ZC3H18: variants seen among roughly 807,000 people sequenced by gnomAD.
ZC3H18 encodes zinc finger CCCH domain-containing protein 18.
In ZC3H18, 8 loss-of-function variants were observed where a neutral mutation model predicts 106.1. The observed-to-expected ratio is 0.08, with a 90% CI of 0.04 to 0.14. The LOEUF (loss-of-function observed/expected upper bound fraction) is 0.14, where lower values mean the gene tolerates loss of function less well. Ranked by LOEUF, ZC3H18 falls within the 10% of genes least tolerant of loss-of-function variation. ZC3H18 has a pLI of 1.00. For synonymous variants in ZC3H18, 635 were observed against 522.1 expected (o/e 1.22, Z -2.95); for missense variants, 1,318 against 1,278.4 (o/e 1.03, Z -0.47).
intron 3 of ZC3H18, among the ~76,000 whole-genome samples, chr16:88,597,789 C>A (rs550371592): frequency 6.6e-6 from 1 of 152,304 alleles, no homozygotes; most frequent in Admixed American, 6.5e-5. Flanking sequence ...ATGTCTGTTT[C>A]GGCACAAATA....
intron 13 of ZC3H18, chr16:88,625,838 A>ATT (rs1175357328): frequency 0.16 from 16,334 of 104,302 alleles, 1,501 homozygotes; most frequent in South Asian, 0.24. Context: ...ACAGAAAAAG[A>ATT]TTTTTTTTTT....
intron 10 of ZC3H18, 89 bp from the exon 11 acceptor site, chr16:88,623,869 C>T (rs1906124190): frequency 1.3e-6 from 2 of 1,496,768 alleles, no homozygotes; most frequent in Admixed American, 2.4e-5. Context: ...TCGTGGCCTT[C>T]TCCATGGGTC....
At position 88,630,756 on chromosome 16, in the gene ZC3H18, AC is replaced by A. The variant is rs1281479340; in HGVS notation, c.2663+184del. ...ACAGCGAATTGCAGCCCCACCCCCC[AC>A]CCCCCCCCACACACACACACACGCT... On this transcript the variant is annotated intron_variant, in intron 17 of 17. Coordinates refer to ENST00000301011, the MANE Select transcript of ZC3H18 (RefSeq NM_144604.4). Among the ~76,000 whole-genome samples, 53 of 50,246 alleles carry A rather than the reference AC, an allele frequency of 1.1e-3. 4 individuals carry two copies. The highest frequency in any genetic ancestry group is 0.014 in the Middle Eastern group (1 of 74). The allele number at this position is 50,246 out of a possible 152,430, so 33.0% of individuals were successfully genotyped here.
intron 1 of ZC3H18, 111 bp from the exon 2 acceptor site, chr16:88,576,999 C>G: frequency 8.9e-7 from 1 of 1,123,362 alleles, no homozygotes; most frequent in South Asian, 1.7e-5. Flanking sequence ...GGGGCAGGGC[C>G]GTGTGGGACC....
At position 88,599,812 on chromosome 16, in the gene ZC3H18, C is replaced by T. The variant is rs1904649902; in HGVS notation, c.952C>T (p.Arg318Ter). 1.2e-6 allele frequency: 2 copies of T among 1,608,926 alleles called. No homozygotes were observed. Among genetic ancestry groups the T allele is most frequent in the South Asian group, 1.1e-5 (1 of 90,142 alleles). The stretch of plus-strand genomic sequence containing the variant: ...GTAGGTTTTAAAAAAAGCAACTATT[C>T]GAAAAGAACAGGAGCCTGATTTTGA... ...AKEVLKKATI[R>*]KEQEPDFEEK... is the part of the protein sequence containing the mutation. Residue 318 changes from arginine (R) to a stop codon, truncating the protein, a stop_gained, in exon 6 of 18, where the codon CGA (arginine) becomes TGA (stop). Transcript: ENST00000301011. LOFTEE classifies it high-confidence loss of function.
chr16:88,630,460 G>T (rs1906591312), intron 16 of ZC3H18, 25 bp from the exon 17 acceptor site: 2 of 1,599,002 alleles, frequency 1.3e-6, no homozygotes, highest in African/African-American at 2.7e-5. Context: ...CAGGAGGGTG[G>T]TCTCACTCTG....
chr16:88,626,695 T>A (rs910530537), intron 13 of ZC3H18: 12 of 132,236 alleles, frequency 9.1e-5, no homozygotes, highest in African/African-American at 3.3e-4. Flanking sequence ...AAGACCTGAC[T>A]TTTGAAAAAA....
chr16:88,578,526 G>A (rs1011576659), intron 2 of ZC3H18, among the ~76,000 whole-genome samples: 6 of 148,044 alleles, frequency 4.1e-5, no homozygotes, highest in Non-Finnish European at 6.0e-5. Flanking sequence ...ACTGAACTGG[G>A]TTTTTGTTGT....
intron 8 of ZC3H18, among the ~76,000 whole-genome samples, chr16:88,614,796 A>G: frequency 6.6e-6 from 1 of 152,194 alleles, no homozygotes; most frequent in South Asian, 2.1e-4. Context: ...CCCTTCCCCT[A>G]CAGCACACAC....
At chr16:88,613,920 G>A (rs1409679829) in intron 8 of ZC3H18, among the ~76,000 whole-genome samples, 6 of 151,608 alleles carry the variant, frequency 4.0e-5, no homozygotes, top group Non-Finnish European at 8.9e-5. Context: ...GACAGAGAGA[G>A]ACCCTGTCTC....
intron 1 of ZC3H18, among the ~76,000 whole-genome samples, chr16:88,570,772 C>T (rs940884430): frequency 8.6e-5 from 13 of 151,736 alleles, no homozygotes; most frequent in Admixed American, 7.9e-4. Context: ...GTCCGTAAGC[C>T]GGCCCCGCGG....
At chr16:88,597,735 G>A (rs1597336575) in intron 3 of ZC3H18, among the ~76,000 whole-genome samples, 1 of 152,210 alleles carries the variant, frequency 6.6e-6, no homozygotes, top group East Asian at 1.9e-4. Context: ...AGGGGACCCT[G>A]AGCACACCTG....
intron 17 of ZC3H18, 90 bp downstream of exon 17, chr16:88,630,671 C>T: frequency 8.8e-7 from 1 of 1,141,170 alleles, no homozygotes; most frequent in East Asian, 2.6e-5. Context: ...AGGGCTAGCA[C>T]TGGGCCAGGC....
At chr16:88,580,351 C>T (rs546721436) in intron 2 of ZC3H18, among the ~76,000 whole-genome samples, 44 of 152,202 alleles carry the variant, frequency 2.9e-4, no homozygotes, top group South Asian at 1.2e-3. Flanking sequence ...CCTACTTGCC[C>T]GGGGCACATT....
chr16:88,585,254 A>C (rs1915368796), intron 2 of ZC3H18, among the ~76,000 whole-genome samples: 1 of 152,262 alleles, frequency 6.6e-6, no homozygotes, highest in African/African-American at 2.4e-5. Context: ...AATACTTTTT[A>C]ATAACCAGAT....
At chr16:88,612,507 A>G (rs540215017) in intron 8 of ZC3H18, among the ~76,000 whole-genome samples, 5 of 151,536 alleles carry the variant, frequency 3.3e-5, no homozygotes, top group Admixed American at 2.6e-4. Context: ...CTATTTAAAA[A>G]AAAAAAAAAA....
intron 1 of ZC3H18, among the ~76,000 whole-genome samples, chr16:88,574,771 C>G (rs184755015): frequency 6.7e-6 from 1 of 149,512 alleles, no homozygotes; most frequent in Non-Finnish European, 1.5e-5. Context: ...ACCTCAGCCT[C>G]CCAAAGTGCT....
chr16:88,599,708 G>A, intron 5 of ZC3H18, 83 bp from the exon 6 acceptor site: 2 of 1,500,902 alleles, frequency 1.3e-6, no homozygotes, highest in Non-Finnish European at 1.8e-6. Context: ...GCTGCGGTCG[G>A]GTGGGACGGC....
chr16:88,608,845 C>A, intron 6 of ZC3H18, 89 bp from the exon 7 acceptor site: 1 of 1,109,462 alleles, frequency 9.0e-7, no homozygotes, highest in Non-Finnish European at 1.3e-6. Flanking sequence ...GCGTCACGGT[C>A]TGTTACTTTC....
Sources: allele counts gnomAD v4.1 joint callset (sites outside exome capture counted in the v4.1 genomes callset), GRCh38; gene constraint gnomAD v4.1.1; transcripts MANE v1.5; gene names NCBI Gene and HGNC (gene_info 2026-07-23, HGNC 2026-07-21).